Variants in DMRT1 observed in about 807,000 individuals in gnomAD.
DMRT1 encodes doublesex and mab-3 related transcription factor 1.
A neutral mutation model predicts 32.3 loss-of-function variants in DMRT1; 7 were observed. The ratio of observed to expected loss-of-function variants is 0.22; its 90% confidence interval spans 0.12 to 0.41. The LOEUF is 0.41. DMRT1 is among the 10% of genes least tolerant of loss of function. The probability of loss-of-function intolerance (pLI) is 1.00; values close to 1 mark genes in which losing one functional copy is unlikely to be tolerated. For synonymous variants in DMRT1, 278 were observed against 206.1 expected, an observed-to-expected ratio of 1.35 and a Z score of -2.99; for missense variants, 625 against 500.5, an observed-to-expected ratio of 1.25 and a Z score of -2.37.
intron 4 of DMRT1, among the ~76,000 whole-genome samples, chr9:945,059 T>G (rs1819198127): frequency 6.6e-6 from 1 of 152,206 alleles, no homozygotes; most frequent in East Asian, 1.9e-4. Context: ...ATCCACAAAT[T>G]AGATCCTTTG....
At chr9:868,527 A>G (rs191599710) in intron 2 of DMRT1, among the ~76,000 whole-genome samples, 80 of 152,354 alleles carry the variant, frequency 5.3e-4, no homozygotes, top group African/African-American at 1.9e-3. Flanking sequence ...CTGGGTTTCA[A>G]TCGCAGTTCC....
chr9:915,340 G>A (rs1238801161), intron 3 of DMRT1, among the ~76,000 whole-genome samples: 2 of 152,110 alleles, frequency 1.3e-5, no homozygotes, highest in Non-Finnish European at 2.9e-5. Flanking sequence ...ATGGAGGGGG[G>A]GCCCTTTCTA....
chr9:917,160 G>T (rs1386468917), intron 4 of DMRT1, among the ~76,000 whole-genome samples: 3 of 152,066 alleles, frequency 2.0e-5, no homozygotes, highest in Non-Finnish European at 4.4e-5. Flanking sequence ...CTCTCCCTTG[G>T]AAGCTAAAAA....
intron 3 of DMRT1, among the ~76,000 whole-genome samples, chr9:915,895 G>A (rs1378544478): frequency 6.6e-6 from 1 of 151,978 alleles, no homozygotes; most frequent in Non-Finnish European, 1.5e-5. Context: ...ACCACGTCTG[G>A]CTAATTTTCT....
At chr9:902,833 T>C (rs1016171565) in intron 3 of DMRT1, among the ~76,000 whole-genome samples, 1 of 152,086 alleles carries the variant, frequency 6.6e-6, no homozygotes, top group Non-Finnish European at 1.5e-5. Context: ...CTCATGCTGG[T>C]CTAGCATTTT....
At chr9:910,504 G>A (rs1817934967) in intron 3 of DMRT1, among the ~76,000 whole-genome samples, 1 of 151,256 alleles carries the variant, frequency 6.6e-6, no homozygotes, top group African/African-American at 2.4e-5. Flanking sequence ...GATAACCAGT[G>A]ACTGGTATTT....
At chr9:850,128 C>G (rs966380841) in intron 2 of DMRT1, among the ~76,000 whole-genome samples, 5 of 152,160 alleles carry the variant, frequency 3.3e-5, no homozygotes, top group Non-Finnish European at 7.4e-5. Context: ...TGACAATAGG[C>G]TCTCTGCTAA....
intron 4 of DMRT1, among the ~76,000 whole-genome samples, chr9:967,767 T>C (rs1819977254): frequency 6.6e-6 from 1 of 152,250 alleles, no homozygotes; most frequent in Admixed American, 6.5e-5. Flanking sequence ...ACTCCTTTCG[T>C]TAAATAGGTA....
chr9:860,296 C>G (rs1381258118), intron 2 of DMRT1, among the ~76,000 whole-genome samples: 1 of 150,916 alleles, frequency 6.6e-6, no homozygotes, highest in African/African-American at 2.4e-5. Context: ...GACTCTGTCT[C>G]AAAAAAAATT....
At position 849,309 on chromosome 9, in the gene DMRT1, C is replaced by G. The variant is rs546632370; in HGVS notation, c.538+2166C>G. Among the ~76,000 whole-genome samples, 6 of 152,222 alleles carry G rather than the reference C, an allele frequency of 3.9e-5. No individual in the cohort carries two copies. The South Asian group carries it at 1.2e-3, about 32-fold the overall frequency. Reference sequence around the variant, plus strand: ...GATTGTTTAGAGGCTGTGGTCTAATCCTCAGAGTAATTTAGGGCTGATGGA... The same window carrying G: ...GATTGTTTAGAGGCTGTGGTCTAATGCTCAGAGTAATTTAGGGCTGATGGA... On this transcript the variant is annotated intron_variant, in intron 2 of 4. Coordinates refer to ENST00000382276, the MANE Select transcript of DMRT1 (RefSeq NM_021951.3).
chr9:955,319 G>T (rs1001812239), intron 4 of DMRT1, among the ~76,000 whole-genome samples: 5 of 152,184 alleles, frequency 3.3e-5, no homozygotes. Flanking sequence ...CAGTTTGCCA[G>T]CATTACTGTG....
chr9:894,573 C>T (rs766362517), intron 3 of DMRT1: 10 of 309,844 alleles, frequency 3.2e-5, no homozygotes, highest in Non-Finnish European at 5.6e-5. Context: ...CCACCTCCTC[C>T]AGCTTTGTCC....
intron 3 of DMRT1, among the ~76,000 whole-genome samples, chr9:901,507 A>G (rs994894161): frequency 4.8e-5 from 7 of 147,124 alleles, no homozygotes; most frequent in African/African-American, 1.8e-4. Flanking sequence ...TTGTATTTTT[A>G]GTAGAAACGG....
intron 4 of DMRT1, among the ~76,000 whole-genome samples, chr9:958,813 A>T (rs139594003): frequency 7.9e-5 from 12 of 152,386 alleles, no homozygotes; most frequent in African/African-American, 2.9e-4. Context: ...TGGATTAGAT[A>T]GGAAACCAAG....
intron 4 of DMRT1, among the ~76,000 whole-genome samples, chr9:917,826 A>G (rs1818231889): frequency 1.3e-5 from 2 of 152,260 alleles, no homozygotes; most frequent in Non-Finnish European, 2.9e-5. Flanking sequence ...CCATATTAAC[A>G]TAAAATAAAG....
intron 4 of DMRT1, among the ~76,000 whole-genome samples, chr9:949,497 C>A (rs956493485): frequency 2.0e-5 from 3 of 152,174 alleles, no homozygotes; most frequent in African/African-American, 7.2e-5. Context: ...ACACGATCAC[C>A]ACAATCTGTG....
At chr9:882,497 C>G (rs1482720631) in intron 2 of DMRT1, among the ~76,000 whole-genome samples, 11 of 152,118 alleles carry the variant, frequency 7.2e-5, no homozygotes, top group Admixed American at 4.6e-4. Flanking sequence ...TTTACATTCT[C>G]CTTTGCACTG....
intron 2 of DMRT1, among the ~76,000 whole-genome samples, chr9:867,679 A>G (rs577579962): frequency 6.6e-6 from 1 of 152,340 alleles, no homozygotes; most frequent in East Asian, 1.9e-4. Context: ...CCCACAGCCC[A>G]TGCTCATGCC....
At chr9:893,707 G>T (rs1230595576) in intron 2 of DMRT1, among the ~76,000 whole-genome samples, 2 of 152,222 alleles carry the variant, frequency 1.3e-5, no homozygotes, top group African/African-American at 4.8e-5. Flanking sequence ...AAAACAATCA[G>T]CTGAGTCTTT....
Sources: allele counts gnomAD v4.1 joint callset (sites outside exome capture counted in the v4.1 genomes callset), GRCh38; gene constraint gnomAD v4.1.1; transcripts MANE v1.5; gene names NCBI Gene and HGNC (gene_info 2026-07-23, HGNC 2026-07-21).